MACROH2A2: variants seen among roughly 807,000 people sequenced by gnomAD.
The protein encoded by MACROH2A2 is core histone macro-H2A.2.
Under a neutral mutation model 37.6 loss-of-function variants are expected in MACROH2A2, and 6 were observed. The observed-to-expected ratio is 0.16, with a 90% CI of 0.09 to 0.32. MACROH2A2 has a LOEUF of 0.32. Among genes scored for constraint, MACROH2A2 ranks in the 10% least tolerant of loss-of-function variants. MACROH2A2 has a pLI of 1.00. For synonymous variants in MACROH2A2, 192 were observed against 202.7 expected (o/e 0.95, Z 0.45); for missense variants, 290 against 485.9 (o/e 0.60, Z 3.79).
intron 8 of MACROH2A2, among the ~76,000 whole-genome samples, chr10:70,109,454 C>T (rs1441336740): frequency 6.6e-6 from 1 of 152,204 alleles, no homozygotes; most frequent in Non-Finnish European, 1.5e-5. Context: ...GTTAAAGCCC[C>T]AGGAGGAAGG....
intron 2 of MACROH2A2, among the ~76,000 whole-genome samples, chr10:70,088,014 T>G (rs760295683): frequency 6.6e-5 from 10 of 152,358 alleles, no homozygotes; most frequent in Non-Finnish European, 1.2e-4. Context: ...TATTTGAAAT[T>G]AGATTGATTG....
intron 8 of MACROH2A2, among the ~76,000 whole-genome samples, chr10:70,110,229 C>T (rs1589842759): frequency 1.3e-5 from 2 of 152,150 alleles, no homozygotes; most frequent in African/African-American, 4.8e-5. Context: ...TGACCCCTAA[C>T]GACCATTCTG....
At chr10:70,080,581 A>T (rs2072170201) in intron 2 of MACROH2A2, among the ~76,000 whole-genome samples, 1 of 152,010 alleles carries the variant, frequency 6.6e-6, no homozygotes, top group Non-Finnish European at 1.5e-5. Context: ...ACAAGAAATT[A>T]AAAAATTAAC....
chr10:70,091,373 G>T (rs1453416651), intron 3 of MACROH2A2, among the ~76,000 whole-genome samples: 1 of 152,216 alleles, frequency 6.6e-6, no homozygotes, highest in Non-Finnish European at 1.5e-5. Context: ...ACATTTAACA[G>T]TTAGAACCGT....
chr10:70,096,337 A>G (rs537065095), intron 6 of MACROH2A2, among the ~76,000 whole-genome samples: 2 of 152,264 alleles, frequency 1.3e-5, no homozygotes, highest in South Asian at 4.1e-4. Flanking sequence ...CACTGATGAC[A>G]TTTGGGGTAG....
Position 70,075,870 on chromosome 10 carries a change from C to T in MACROH2A2, c.172+40C>T. 1.3e-6 allele frequency: 2 copies of T among 1,544,588 alleles called. No homozygotes were observed. The highest frequency in any genetic ancestry group is 2.3e-4 in the Middle Eastern group (1 of 4,400). The stretch of plus-strand genomic sequence containing the variant: ...CAAAGGAGGCTGCCTGCTCCCAGGT[C>T]CCCACCCTCCCCTGGGTCCCCCTCG... On this transcript the variant is annotated intron_variant, in intron 2 of 8. Transcript: ENST00000373255. The surrounding 1 kb of genome is among the most constrained non-coding windows in gnomAD (Gnocchi z 5.0).
chr10:70,104,906 C>G (rs1346583769), intron 7 of MACROH2A2, among the ~76,000 whole-genome samples: 1 of 151,156 alleles, frequency 6.6e-6, no homozygotes, highest in Non-Finnish European at 1.5e-5. Flanking sequence ...AATATTTAAA[C>G]AAAAAAAAAG....
intron 1 of MACROH2A2, among the ~76,000 whole-genome samples, chr10:70,072,916 C>G (rs2072118846): frequency 6.6e-6 from 1 of 152,108 alleles, no homozygotes; most frequent in Non-Finnish European, 1.5e-5. Context: ...GAGATTGCAC[C>G]ACTGCACTCC....
chr10:70,101,119 G>T (rs2072304215), intron 7 of MACROH2A2, among the ~76,000 whole-genome samples: 1 of 152,176 alleles, frequency 6.6e-6, no homozygotes, highest in African/African-American at 2.4e-5. Flanking sequence ...GAGAGAGAAA[G>T]TGGGTCCAGG....
intron 1 of MACROH2A2, among the ~76,000 whole-genome samples, chr10:70,072,699 G>C (rs1350584017): frequency 6.6e-6 from 1 of 152,136 alleles, no homozygotes; most frequent in Non-Finnish European, 1.5e-5. Context: ...GCTCACACCT[G>C]TAATCCCACC....
intron 1 of MACROH2A2, among the ~76,000 whole-genome samples, chr10:70,068,839 C>G (rs1233596862): frequency 6.6e-6 from 1 of 152,152 alleles, no homozygotes; most frequent in Non-Finnish European, 1.5e-5. Flanking sequence ...GCTCTGACAT[C>G]TATTTGAAAC....
At chr10:70,090,856 A>G (rs897146515) in intron 3 of MACROH2A2, among the ~76,000 whole-genome samples, 14 of 152,362 alleles carry the variant, frequency 9.2e-5, no homozygotes, top group African/African-American at 2.9e-4. Flanking sequence ...GATGCTTGCT[A>G]TACTTCTGTT....
At chr10:70,095,511 T>A (rs1027715764) in intron 5 of MACROH2A2, 143 bp from the exon 6 acceptor site, 2 of 552,400 alleles carry the variant, frequency 3.6e-6, no homozygotes, top group African/African-American at 3.9e-5. Context: ...CCTGGGAAAC[T>A]GGAGGTTGTC....
intron 2 of MACROH2A2, among the ~76,000 whole-genome samples, chr10:70,087,697 C>T (rs1002794016): frequency 6.6e-6 from 1 of 152,174 alleles, no homozygotes; most frequent in South Asian, 2.1e-4. Flanking sequence ...CCCACTGTCC[C>T]GACACGCATG....
chr10:70,097,051 T>G (rs1034050071), intron 6 of MACROH2A2, among the ~76,000 whole-genome samples: 1 of 152,180 alleles, frequency 6.6e-6, no homozygotes, highest in African/African-American at 2.4e-5. Context: ...ATAATATGCT[T>G]CTTTTTTTTA....
chr10:70,060,604 G>C (rs2072044842), intron 1 of MACROH2A2, among the ~76,000 whole-genome samples: 1 of 152,242 alleles, frequency 6.6e-6, no homozygotes. Context: ...GTCTGGTACT[G>C]GAACACTCAC....
At position 70,109,067 on chromosome 10, in the gene MACROH2A2, A is replaced by G. The variant is rs368928895; in HGVS notation, c.813A>G (p.Lys271=). 4.0e-5 allele frequency: 64 copies of G among 1,614,042 alleles called. No individual in the cohort carries two copies. The highest frequency in any genetic ancestry group is 5.4e-5 in the Non-Finnish European group (64 of 1,180,022). The change falls in exon 8 of 9, where the codon AAA becomes AAG. Residue 271 remains lysine, a synonymous_variant. Transcript: ENST00000373255. ...AVSQSSGLAA[K]FVIHCHIPQW... is the part of the protein sequence containing the mutation. ...GCCAATCCAGTGGACTCGCAGCCAA[A>G]TTTGTCATCCACTGTCACATCCCTC... is the stretch of plus-strand genomic sequence containing the variant.
At chr10:70,069,709 A>T (rs1456130788) in intron 1 of MACROH2A2, among the ~76,000 whole-genome samples, 12 of 152,104 alleles carry the variant, frequency 7.9e-5, no homozygotes, top group Non-Finnish European at 1.6e-4. Flanking sequence ...ACTTAAATGT[A>T]AACATTTAAT....
intron 2 of MACROH2A2, among the ~76,000 whole-genome samples, chr10:70,082,429 AAG>A (rs1491307070): frequency 6.7e-6 from 1 of 148,390 alleles, no homozygotes; most frequent in Non-Finnish European, 1.5e-5. Flanking sequence ...AAAAAAAAAA[AAG>A]AAAAAAGAAA....
Sources: gnomAD v4.1 joint callset for allele counts (sites outside exome capture counted in the v4.1 genomes callset) on GRCh38, gnomAD v4.1.1 for gene constraint, Gnocchi (gnomAD v3.1) non-coding constraint, MANE v1.5 for transcripts, NCBI Gene and HGNC (gene_info 2026-07-23, HGNC 2026-07-21) for gene names.